Variants in TYW1 observed in about 807,000 individuals in gnomAD.
TYW1 encodes the protein S-adenosyl-L-methionine-dependent tRNA 4-demethylwyosine synthase TYW1.
TYW1 carries 46 observed loss-of-function variants against 96.2 expected under a neutral mutation model. That is an observed-to-expected ratio of 0.48 (90% CI 0.38 to 0.61). TYW1 has a LOEUF of 0.61. TYW1 is among the 20% of genes least tolerant of loss of function. The pLI is 0.00. For synonymous variants in TYW1, 274 were observed against 323.0 expected, an observed-to-expected ratio of 0.85 and a Z score of 1.63; for missense variants, 684 against 909.6, an observed-to-expected ratio of 0.75 and a Z score of 3.19.
At chr7:67,043,973 G>T (rs763582849) in intron 7 of TYW1, among the ~76,000 whole-genome samples, 17 of 152,032 alleles carry the variant, frequency 1.1e-4, no homozygotes, top group Non-Finnish European at 2.1e-4. Context: ...GAATCTAAAT[G>T]TGGGGTTAAA....
chr7:67,190,751 G>A (rs1430775167), intron 14 of TYW1, among the ~76,000 whole-genome samples: 1 of 152,148 alleles, frequency 6.6e-6, no homozygotes, highest in Non-Finnish European at 1.5e-5. Flanking sequence ...TAGGATAAAG[G>A]AATGAAGTAT....
rs1376425948 is a variant in TYW1, at chr7:67,020,432, C to T, written c.861+2289C>T. ...TTTTTATGTTTTTAGTAGATACCGG[C>T]TTTCACCACATTAGCCAGGATGGTC... On this transcript the variant is annotated intron_variant, in intron 6 of 15. Coordinates refer to ENST00000359626, the MANE Select transcript of TYW1 (RefSeq NM_018264.4). Among the ~76,000 whole-genome samples, 9 of 83,244 alleles carry T rather than the reference C, an allele frequency of 1.1e-4. No individual in the cohort carries two copies. The Admixed American group carries it at 1.1e-3, about 10-fold the overall frequency. The allele number at this position is 83,244 out of a possible 152,430, so 54.6% of individuals were successfully genotyped here.
chr7:67,215,909 T>C (rs1801185233), intron 15 of TYW1, among the ~76,000 whole-genome samples: 1 of 152,200 alleles, frequency 6.6e-6, no homozygotes, highest in Non-Finnish European at 1.5e-5. Context: ...GCCCACCACA[T>C]TAAGGGTGGG....
intron 7 of TYW1, among the ~76,000 whole-genome samples, chr7:67,037,037 C>T (rs1794861300): frequency 6.6e-6 from 1 of 152,138 alleles, no homozygotes. Flanking sequence ...TTTTATTGAG[C>T]CTTCATTAGC....
chr7:67,091,234 A>C (rs1796706166), intron 11 of TYW1, among the ~76,000 whole-genome samples: 1 of 151,318 alleles, frequency 6.6e-6, no homozygotes, highest in East Asian at 1.9e-4. Flanking sequence ...CTATGCAGCC[A>C]TAAAAAAGGA....
chr7:67,143,570 G>C (rs1798515187), intron 13 of TYW1, among the ~76,000 whole-genome samples: 1 of 152,192 alleles, frequency 6.6e-6, no homozygotes, highest in South Asian at 2.1e-4. Flanking sequence ...AGAGTTTGGC[G>C]ATTTGGGAAA....
At chr7:67,045,296 G>T (rs1396004781) in intron 7 of TYW1, among the ~76,000 whole-genome samples, 1 of 151,794 alleles carries the variant, frequency 6.6e-6, no homozygotes, top group Non-Finnish European at 1.5e-5. Context: ...CCACAGCCTT[G>T]AACTCCTGTG....
intron 10 of TYW1, among the ~76,000 whole-genome samples, chr7:67,073,708 A>T (rs1796110250): frequency 8.5e-6 from 1 of 118,002 alleles, no homozygotes. Context: ...CAGGAGGTGG[A>T]GGTTGCAGTG....
At chr7:67,157,472 G>A (rs1310325065) in intron 13 of TYW1, among the ~76,000 whole-genome samples, 1 of 152,140 alleles carries the variant, frequency 6.6e-6, no homozygotes. Flanking sequence ...TTTCAGTAGA[G>A]ATGGGGTTCC....
At chr7:67,036,079 T>G (rs1241679425) in intron 7 of TYW1, among the ~76,000 whole-genome samples, 1 of 148,746 alleles carries the variant, frequency 6.7e-6, no homozygotes, top group Admixed American at 6.9e-5. Flanking sequence ...CAGTCTTTAA[T>G]GCTGTCGCGC....
intron 3 of TYW1, among the ~76,000 whole-genome samples, chr7:67,001,914 A>G (rs1793405406): frequency 6.6e-6 from 1 of 151,868 alleles, no homozygotes; most frequent in Non-Finnish European, 1.5e-5. Context: ...CACGTCTGTA[A>G]TTCCAGCTAC....
At chr7:67,096,452 C>T (rs1242364117) in intron 11 of TYW1, among the ~76,000 whole-genome samples, 5 of 152,108 alleles carry the variant, frequency 3.3e-5, no homozygotes, top group Non-Finnish European at 2.9e-5. Flanking sequence ...CACATGAACA[C>T]GCTTCTCCCC....
At chr7:67,085,009 CT>C (rs960675145) in intron 11 of TYW1, among the ~76,000 whole-genome samples, 6 of 152,172 alleles carry the variant, frequency 3.9e-5, no homozygotes, top group African/African-American at 1.4e-4. Flanking sequence ...CTGTATTCTT[CT>C]TTTCCGTCAT....
intron 12 of TYW1, among the ~76,000 whole-genome samples, chr7:67,112,816 C>T (rs1362393218): frequency 1.3e-5 from 2 of 152,084 alleles, no homozygotes; most frequent in African/African-American, 2.4e-5. Context: ...AGATGCAGAA[C>T]GGTGCGCTGT....
intron 13 of TYW1, among the ~76,000 whole-genome samples, chr7:67,177,326 C>T (rs922422098): frequency 5.3e-5 from 8 of 151,664 alleles, no homozygotes; most frequent in African/African-American, 1.7e-4. Flanking sequence ...TAAAGAGACA[C>T]AAGAAACACT....
rs558622818 is a variant in TYW1 at position 67,039,768 on chromosome 7, T to C, written c.985-10181T>C. Among the ~76,000 whole-genome samples the C allele has an allele frequency of 5.4e-5, 8 of 148,890 alleles. No homozygotes were observed. In the East Asian group the frequency reaches 1.7e-3, roughly 31 times the overall value. On this transcript the variant is annotated intron_variant, in intron 7 of 15. Coordinates refer to ENST00000359626, the MANE Select transcript of TYW1 (RefSeq NM_018264.4). ...AGCCTCTACTCCCTCTTTCAAGTGA[T>C]TGTTCTGCCTCAGCCTCCTGAGTAG...
At chr7:67,029,438 G>C (rs750410927) in intron 7 of TYW1, among the ~76,000 whole-genome samples, 1 of 72,922 alleles carries the variant, frequency 1.4e-5, no homozygotes, top group African/African-American at 4.7e-5. Flanking sequence ...TATATAAATA[G>C]TATTTTCTAG....
chr7:67,057,867 C>G (rs1795573756), intron 9 of TYW1, among the ~76,000 whole-genome samples: 1 of 152,106 alleles, frequency 6.6e-6, no homozygotes. Context: ...ATAAAGGTAT[C>G]TTTTGAAAAT....
chr7:67,203,922 C>T (rs1191171256), intron 15 of TYW1, among the ~76,000 whole-genome samples: 2 of 152,196 alleles, frequency 1.3e-5, no homozygotes, highest in Admixed American at 6.5e-5. Flanking sequence ...GGATTGACAG[C>T]TCTTTTCTTT....
Sources: gnomAD v4.1 joint callset for allele counts (sites outside exome capture counted in the v4.1 genomes callset) on GRCh38, gnomAD v4.1.1 for gene constraint, MANE v1.5 for transcripts, NCBI Gene and HGNC (gene_info 2026-07-23, HGNC 2026-07-21) for gene names.